The following PTPRM variants were observed in gnomAD, a reference collection of about 807,000 sequenced individuals.
PTPRM encodes the protein receptor-type tyrosine-protein phosphatase mu.
A neutral mutation model predicts 186.7 loss-of-function variants in PTPRM; 47 were observed. The observed-to-expected ratio is 0.25, with a 90% CI of 0.20 to 0.32. The LOEUF is 0.32. PTPRM is among the 10% of genes least tolerant of loss of function. The probability of loss-of-function intolerance (pLI) is 1.00; values close to 1 mark genes in which losing one functional copy is unlikely to be tolerated. For missense variants in PTPRM, 1,494 were observed against 1,865.0 expected (o/e 0.80, Z 3.66); for synonymous variants, 668 against 674.9 (o/e 0.99, Z 0.16).
intron 14 of PTPRM, among the ~76,000 whole-genome samples, chr18:8,198,387 G>A (rs1172375115): frequency 1.3e-5 from 2 of 152,122 alleles, no homozygotes; most frequent in Non-Finnish European, 2.9e-5. Context: ...AGGCTAAAGC[G>A]ATCTGCCTAC....
intron 20 of PTPRM, among the ~76,000 whole-genome samples, chr18:8,301,633 T>C (rs1442669530): frequency 1.3e-5 from 2 of 152,224 alleles, no homozygotes; most frequent in East Asian, 1.9e-4. Flanking sequence ...TCAACAGATA[T>C]TTGCTGAGTG....
chr18:8,360,418 G>A (rs2148387377), intron 23 of PTPRM, among the ~76,000 whole-genome samples: 1 of 152,160 alleles, frequency 6.6e-6, no homozygotes, highest in East Asian at 1.9e-4. Context: ...CTTCATACCC[G>A]ACAAGAAGAT....
intron 32 of PTPRM, among the ~76,000 whole-genome samples, chr18:8,402,044 C>T (rs1029624451): frequency 6.6e-6 from 1 of 152,240 alleles, no homozygotes; most frequent in African/African-American, 2.4e-5. Flanking sequence ...AAGGCCTAAA[C>T]ATTCCTTTTT....
chr18:8,063,478 C>A (rs1945259344), intron 7 of PTPRM, among the ~76,000 whole-genome samples: 1 of 152,156 alleles, frequency 6.6e-6, no homozygotes, highest in African/African-American at 2.4e-5. Flanking sequence ...TGTGACACTT[C>A]TAACCTTATT....
At chr18:8,008,364 G>T (rs1315363054) in intron 7 of PTPRM, among the ~76,000 whole-genome samples, 2 of 152,144 alleles carry the variant, frequency 1.3e-5, no homozygotes, top group Non-Finnish European at 2.9e-5. Context: ...GACGAAGAAG[G>T]TCGGGGAAAA....
chr18:8,240,677 G>GA (rs869202663), intron 14 of PTPRM, among the ~76,000 whole-genome samples: 2 of 80,050 alleles, frequency 2.5e-5, no homozygotes, highest in African/African-American at 1.1e-4. Flanking sequence ...AAGAAAGAAA[G>GA]AAAAAGAAAG....
At chr18:7,978,507 TAG>T (rs561245077) in intron 7 of PTPRM, among the ~76,000 whole-genome samples, 32 of 152,230 alleles carry the variant, frequency 2.1e-4, no homozygotes, top group Non-Finnish European at 4.4e-4. Flanking sequence ...AAAGGATATC[TAG>T]ACTTAGTGAA....
chr18:7,914,008 T>G (rs2050415435), intron 4 of PTPRM, among the ~76,000 whole-genome samples: 1 of 152,158 alleles, frequency 6.6e-6, no homozygotes, highest in Admixed American at 6.5e-5. Context: ...TAAAATAGTA[T>G]TTTCCTTATT....
intron 23 of PTPRM, among the ~76,000 whole-genome samples, chr18:8,355,461 A>G (rs895025507): frequency 6.6e-6 from 1 of 152,046 alleles, no homozygotes; most frequent in African/African-American, 2.4e-5. Context: ...GGGAATGGGG[A>G]TTCTAGGGAG....
intron 1 of PTPRM, among the ~76,000 whole-genome samples, chr18:7,658,866 C>T (rs1290878338): frequency 2.0e-5 from 3 of 149,756 alleles, no homozygotes; most frequent in Non-Finnish European, 4.4e-5. Context: ...CTGCTCTTAC[C>T]TCATTCATTC....
At chr18:7,692,637 C>T (rs2039758731) in intron 1 of PTPRM, among the ~76,000 whole-genome samples, 1 of 152,156 alleles carries the variant, frequency 6.6e-6, no homozygotes, top group African/African-American at 2.4e-5. Flanking sequence ...TTTGTGAAGC[C>T]AGCCATGCTT....
chr18:8,126,738 G>A (rs530102539), intron 13 of PTPRM, among the ~76,000 whole-genome samples: 25 of 152,276 alleles, frequency 1.6e-4, no homozygotes, highest in African/African-American at 5.8e-4. Context: ...TAGCCACACT[G>A]AGTAGCAAGG....
At chr18:7,673,450 C>A (rs899405834) in intron 1 of PTPRM, among the ~76,000 whole-genome samples, 1 of 152,156 alleles carries the variant, frequency 6.6e-6, no homozygotes, top group Non-Finnish European at 1.5e-5. Flanking sequence ...GCTGATTAAT[C>A]TGCGTGAAGA....
At chr18:7,757,772 G>A (rs753693175) in intron 1 of PTPRM, among the ~76,000 whole-genome samples, 21 of 152,172 alleles carry the variant, frequency 1.4e-4, no homozygotes, top group Non-Finnish European at 2.6e-4. Context: ...TAGGTGAGAA[G>A]TGTCTCCAGG....
chr18:8,371,058 T>G, intron 24 of PTPRM, 52 bp downstream of exon 24: 2 of 1,104,598 alleles, frequency 1.8e-6, no homozygotes, highest in South Asian at 2.9e-5. Context: ...AGTGGTACCA[T>G]ACTAGCCTCA....
At chr18:8,008,648 T>A (rs1037178630) in intron 7 of PTPRM, among the ~76,000 whole-genome samples, 10 of 152,140 alleles carry the variant, frequency 6.6e-5, no homozygotes, top group Non-Finnish European at 1.5e-4. Context: ...CCTGTAGCTT[T>A]GGATGTGAAT....
chr18:8,330,488 G>T (rs1480301287), intron 22 of PTPRM, among the ~76,000 whole-genome samples: 2 of 152,054 alleles, frequency 1.3e-5, no homozygotes, highest in Non-Finnish European at 2.9e-5. Context: ...CTTGTGTACT[G>T]AGAAGAGCTT....
intron 2 of PTPRM, 33 bp downstream of exon 2, chr18:7,774,304 A>G (rs746513059): frequency 1.2e-6 from 2 of 1,608,640 alleles, no homozygotes; most frequent in African/African-American, 2.7e-5. Flanking sequence ...TGTTTTAAAG[A>G]GGAACACAAG....
intron 2 of PTPRM, among the ~76,000 whole-genome samples, chr18:7,861,916 A>G (rs1419421648): frequency 6.6e-6 from 1 of 151,776 alleles, no homozygotes. Context: ...TTGGGGAAAA[A>G]CCCTCTCCTT....
Sources: allele counts gnomAD v4.1 joint callset (sites outside exome capture counted in the v4.1 genomes callset), GRCh38; gene constraint gnomAD v4.1.1; transcripts MANE v1.5; gene names NCBI Gene and HGNC (gene_info 2026-07-23, HGNC 2026-07-21).